Variants in RPL18 observed in about 807,000 individuals in gnomAD.
The protein encoded by RPL18 is large ribosomal subunit protein eL18.
Under a neutral mutation model 25.0 loss-of-function variants are expected in RPL18, and 4 were observed. The observed-to-expected ratio is 0.16, with a 90% CI of 0.08 to 0.37. The LOEUF (loss-of-function observed/expected upper bound fraction) is 0.37. Among genes scored for constraint, RPL18 ranks in the 10% least tolerant of loss-of-function variants. The probability of loss-of-function intolerance (pLI) is 1.00; values close to 1 mark genes in which losing one functional copy is unlikely to be tolerated. For missense variants in RPL18, 179 were observed against 267.9 expected (o/e 0.67, Z 2.32); for synonymous variants, 129 against 101.6 (o/e 1.27, Z -1.62).
intron 6 of RPL18, 28 bp downstream of exon 6, chr19:48,615,842 TGGGGAGA>T (rs1974150649): frequency 1.3e-6 from 2 of 1,572,104 alleles, no homozygotes; most frequent in Non-Finnish European, 1.7e-6. Flanking sequence ...AGGCTGAGTC[TGGGGAGA>T]GGGCAGGGCT....
At position 48,616,206 on chromosome 19, in the gene RPL18, G is replaced by A. The variant is rs1010715216; in HGVS notation, c.298-4C>T. The A allele has an allele frequency of 1.2e-6, 2 of 1,613,392 alleles. No homozygotes were observed. The highest frequency in any genetic ancestry group is 1.1e-5 in the South Asian group (1 of 91,050). On this transcript the variant is annotated splice_region_variant and splice_polypyrimidine_tract_variant and intron_variant, in intron 4 of 6. Coordinates refer to ENST00000549920, the MANE Select transcript of RPL18 (RefSeq NM_000979.4). Reference sequence around the variant, plus strand: ...TGGTCACGCGCAGTGCACATACCTGGTGGAGAGGACAAGGCTGGCGGGTCA... The same window carrying A: ...TGGTCACGCGCAGTGCACATACCTGATGGAGAGGACAAGGCTGGCGGGTCA...
intron 1 of RPL18, 25 bp from the exon 2 acceptor site, chr19:48,617,902 G>A (rs1403781532): frequency 3.9e-6 from 6 of 1,544,048 alleles, no homozygotes; most frequent in South Asian, 1.1e-5. Context: ...AGGCAACCAT[G>A]GACCCAATTA....
At position 48,616,643 on chromosome 19, in the gene RPL18, CCAGCACAGCACAGCA is replaced by C. The variant is rs58972118; in HGVS notation, c.297+68_297+82del. 2,176 of 929,544 alleles carry C rather than the reference CCAGCACAGCACAGCA, an allele frequency of 2.3e-3. 5 individuals carry two copies. The highest frequency in any genetic ancestry group is 2.9e-3 in the Non-Finnish European group (1,624 of 567,648). The allele number at this position is 929,544 out of a possible 1,614,324, so 57.6% of individuals were successfully genotyped here. A position where few individuals can be genotyped will look rare whatever the true frequency, so the allele number is the denominator to read the frequency against. ...CAGCGGTGGCAAGACTGAGGATGGA[CCAGCACAGCACAGCA>C]CAGCACAGCACAGCACAGCACAGTA... On this transcript the variant is annotated intron_variant, in intron 4 of 6. Coordinates refer to ENST00000549920, the MANE Select transcript of RPL18 (RefSeq NM_000979.4).
chr19:48,617,661 TG>T (rs1200207466), intron 2 of RPL18, 129 bp downstream of exon 2: 4 of 743,208 alleles, frequency 5.4e-6, no homozygotes, highest in East Asian at 2.6e-5. Flanking sequence ...CAGGAGACCC[TG>T]GAACAGAACC....
Position 48,615,454 on chromosome 19 carries a change from G to A in RPL18, c.492-7C>T. ...CTTGGAGCGGACGTAGGGTCTGTGG[G>A]GAGAGGAGGGAGTGAGAGGGGGGCC... On this transcript the variant is annotated splice_polypyrimidine_tract_variant and splice_region_variant and intron_variant, in intron 6 of 6. Transcript: ENST00000549920. 1.2e-6 allele frequency: 2 copies of A among 1,608,596 alleles called. No individual in the cohort carries two copies. Among genetic ancestry groups the A allele is most frequent in the South Asian group, 1.1e-5 (1 of 90,344 alleles).
At chr19:48,617,284 G>A in intron 3 of RPL18, 32 bp downstream of exon 3, 2 of 1,546,114 alleles carry the variant, frequency 1.3e-6, no homozygotes, top group Non-Finnish European at 1.8e-6. Context: ...GCGGCTCCCA[G>A]GTCTACCGTG....
At chr19:48,615,496 T>C (rs1282142434) in intron 6 of RPL18, 49 bp from the exon 7 acceptor site, 1 of 1,387,650 alleles carries the variant, frequency 7.2e-7, no homozygotes, top group Non-Finnish European at 1.0e-6. Flanking sequence ...AAGGAGGCCA[T>C]TGTGGAGTGG....
chr19:48,617,063 T>C, intron 3 of RPL18: 1 of 702,636 alleles, frequency 1.4e-6, no homozygotes, highest in South Asian at 1.5e-5. Flanking sequence ...AACTCAGTTA[T>C]GACTTGGGGC....
In RPL18 at chr19:48,615,400, C is replaced by T. The variant is rs758912189; in HGVS notation, c.539G>A (p.Arg180Gln). 3 of 1,612,916 alleles carry T rather than the reference C, an allele frequency of 1.9e-6. No homozygotes were observed. Among genetic ancestry groups the T allele is most frequent in the East Asian group, 2.2e-5 (1 of 44,854 alleles). The change falls in exon 7 of 7, where the codon CGA becomes CAA. Residue 180 changes from arginine to glutamine, a missense_variant. Physicochemically the swap from Arg to Gln is conservative, Grantham distance 43. Coordinates refer to ENST00000549920, the MANE Select transcript of RPL18 (RefSeq NM_000979.4). ...KGRKFERARGRRASRGYKN is the reference protein window; with the variant it reads ...KGRKFERARGQRASRGYKN ...GTTTTTGTAGCCTCGGCTGGCCCGT[C>T]GGCCTCTGGCACGCTCGAACTTCCG...
At chr19:48,615,617 C>G in intron 6 of RPL18, 170 bp from the exon 7 acceptor site, 1 of 666,874 alleles carries the variant, frequency 1.5e-6, no homozygotes, top group Non-Finnish European at 2.6e-6. Context: ...GAAGCACCTG[C>G]CCCACCACCT....
chr19:48,618,209 T>C (rs958587319), intron 1 of RPL18: 9 of 222,584 alleles, frequency 4.0e-5, no homozygotes, highest in African/African-American at 2.1e-4. Context: ...TAACCAAAAA[T>C]ATCAAACCAA....
At chr19:48,617,450 G>A (rs1163423896) in intron 2 of RPL18, 27 bp from the exon 3 acceptor site, 1 of 1,540,498 alleles carries the variant, frequency 6.5e-7, no homozygotes, top group South Asian at 1.1e-5. Context: ...ACAGTGAGAA[G>A]CTGGGACAGC....
Position 48,619,149 on chromosome 19 carries a change from C to A in RPL18, c.-6G>T. On this transcript the variant is annotated 5_prime_UTR_variant, in exon 1 of 7. Coordinates refer to ENST00000549920, the MANE Select transcript of RPL18 (RefSeq NM_000979.4). ...CCGCAAAGCGAGCTCACCATGATGG[C>A]GCCTCCTGCTCGGCCAGGTCCGGAA... 2 of 1,597,168 alleles carry A rather than the reference C, an allele frequency of 1.3e-6. No individual in the cohort carries two copies. The highest frequency in any genetic ancestry group is 8.5e-7 in the Non-Finnish European group (1 of 1,172,638).
At chr19:48,617,066 C>T (rs960246654) in intron 3 of RPL18, 1 of 702,928 alleles carries the variant, frequency 1.4e-6, no homozygotes, top group Non-Finnish European at 2.6e-6. Context: ...TCAGTTATGA[C>T]TTGGGGCAAT....
In RPL18 at chr19:48,617,428, A is replaced by G; in HGVS notation, c.91-5T>C. On this transcript the variant is annotated splice_region_variant and splice_polypyrimidine_tract_variant and intron_variant, in intron 2 of 6. Transcript: ENST00000549920. ...TCTGGCCAGAAACCTGTATAACTGG[A>G]GGGACGGGAAGACAGTGAGAAGCTG... 1 of 1,607,740 alleles carries G rather than the reference A, an allele frequency of 6.2e-7. No individual in the cohort carries two copies.
chr19:48,616,970 A>C lies in RPL18; in HGVS notation c.199-146T>G, dbSNP rs1200937943. ...CCTTAAACCCCACAGGCCTCTCCTC[A>C]GGTCCAGCTGGGGAAAGCTCCAGAT... On this transcript the variant is annotated intron_variant, in intron 3 of 6. Transcript: ENST00000549920. 4.2e-6 allele frequency: 3 copies of C among 719,068 alleles called. No individual in the cohort carries two copies. In the Admixed American group the frequency reaches 6.0e-5, roughly 14 times the overall value. The allele number at this position is 719,068 out of a possible 1,614,324, so 44.5% of individuals were successfully genotyped here. A position where few individuals can be genotyped will look rare whatever the true frequency, so the allele number is the denominator to read the frequency against.
At chr19:48,615,762 C>T in intron 6 of RPL18, 115 bp downstream of exon 6, 1 of 937,880 alleles carries the variant, frequency 1.1e-6, no homozygotes, top group South Asian at 1.4e-5. Context: ...CTGAGAGTTC[C>T]AGAAGGCCTG....
In RPL18 at chr19:48,616,496, G is replaced by A. The variant is rs893226684; in HGVS notation, c.297+230C>T. On this transcript the variant is annotated intron_variant, in intron 4 of 6. Transcript: ENST00000549920. ...CCAGGCTGTCTGGCTCTAGGGGCCA[G>A]CACTAACAGTTTACAACTTGCCCCA... 7 of 696,898 alleles carry A rather than the reference G, an allele frequency of 1.0e-5. No homozygotes were observed. The African/African-American group carries it at 1.2e-4, about 12-fold the overall frequency. The allele number at this position is 696,898 out of a possible 1,614,324, so 43.2% of individuals were successfully genotyped here.
intron 1 of RPL18, 86 bp from the exon 2 acceptor site, chr19:48,617,963 A>C (rs1974233978): frequency 1.9e-6 from 2 of 1,061,660 alleles, no homozygotes; most frequent in South Asian, 2.7e-5. Context: ...GAGCTGGGAC[A>C]CAAGCCCAGG....
Sources: allele counts gnomAD v4.1 joint callset, GRCh38; gene constraint gnomAD v4.1.1; transcripts MANE v1.5; gene names NCBI Gene and HGNC (gene_info 2026-07-23, HGNC 2026-07-21).